The following MYBPC1 variants were observed in gnomAD, a reference collection of about 807,000 sequenced individuals.
MYBPC1 encodes myosin binding protein C1.
In MYBPC1, 52 loss-of-function variants were observed where a neutral mutation model predicts 147.1. The observed-to-expected ratio is 0.35, with a 90% CI of 0.28 to 0.45. The LOEUF (loss-of-function observed/expected upper bound fraction) is 0.45, where lower values mean the gene tolerates loss of function less well. Ranked by LOEUF, MYBPC1 falls within the 20% of genes least tolerant of loss-of-function variation. MYBPC1 has a pLI of 1.00. For missense variants in MYBPC1, 1,228 were observed against 1,440.3 expected (o/e 0.85, Z 2.39); for synonymous variants, 477 against 475.9 (o/e 1.00, Z -0.03).
intron 1 of MYBPC1, among the ~76,000 whole-genome samples, chr12:101,598,849 TGA>T (rs1184915464): frequency 6.6e-5 from 10 of 152,212 alleles, no homozygotes; most frequent in African/African-American, 2.4e-5. Flanking sequence ...TCTAAAGTGC[TGA>T]GACTACAGGT....
rs747779217 is a variant in MYBPC1 at position 101,652,753 on chromosome 12, T to C, written c.1602T>C (p.Asn534=). The C allele has an allele frequency of 1.9e-6, 3 of 1,613,838 alleles. No homozygotes were observed. The highest frequency in any genetic ancestry group is 2.2e-5 in the East Asian group (1 of 44,852). ...GDYVFAPDAY[N]VTLPAKVHVI... ...ATGTATTTGCACCTGATGCCTACAATGTTACTCTGCCTGCCAAAGTTCATG... is the reference window on the plus strand; with the variant it reads ...ATGTATTTGCACCTGATGCCTACAACGTTACTCTGCCTGCCAAAGTTCATG... The change falls in exon 17 of 32, where the codon AAT becomes AAC. Residue 534 remains asparagine (N), a synonymous_variant. Transcript: ENST00000361466.
At position 101,643,265 on chromosome 12, in the gene MYBPC1, T is replaced by C. The variant is rs188007569; in HGVS notation, c.832+680T>C. Among the ~76,000 whole-genome samples the C allele has an allele frequency of 6.6e-5, 10 of 152,328 alleles. No homozygotes were observed. In the East Asian group the frequency reaches 1.9e-3, roughly 29 times the overall value. On this transcript the variant is annotated intron_variant, in intron 11 of 31. Transcript: ENST00000361466. Reference sequence around the variant, plus strand: ...ACCACCCTTTAAAAAAAATCTGACCTTTATTTCTGAACTTCCTGGAAACTG... The same window carrying C: ...ACCACCCTTTAAAAAAAATCTGACCCTTATTTCTGAACTTCCTGGAAACTG...
At chr12:101,606,203 AACACACACACACAC>A (rs113061042) in intron 1 of MYBPC1, among the ~76,000 whole-genome samples, 1 of 145,784 alleles carries the variant, frequency 6.9e-6, no homozygotes. Context: ...TCAAAAAAGA[AACACACACACACAC>A]ACACACACAC....
At position 101,638,598 on chromosome 12, in the gene MYBPC1, C is replaced by T. The variant is rs144667826; in HGVS notation, c.665+1870C>T. Reference sequence around the variant, plus strand: ...AACATAGTTTATATTCATAAGGAGACAACACACAAACACATACACAATCAA... The same window carrying T: ...AACATAGTTTATATTCATAAGGAGATAACACACAAACACATACACAATCAA... On this transcript the variant is annotated intron_variant, in intron 10 of 31. Transcript: ENST00000361466. 2.0e-3 allele frequency among the ~76,000 whole-genome samples: 307 copies of T among 152,024 alleles called. 4 individuals are homozygous for T. Among genetic ancestry groups the T allele is most frequent in the African/African-American group, 7.1e-3 (296 of 41,460 alleles).
At chr12:101,695,625 C>T in the MYBPC1 span, among the ~76,000 whole-genome samples, 1 of 152,070 alleles carries the variant, frequency 6.6e-6, no homozygotes, top group Non-Finnish European at 1.5e-5. Context: ...CCTCTTACTC[C>T]TTCCTGCTGC....
At chr12:101,652,110 A>G (rs753908626) in intron 16 of MYBPC1, among the ~76,000 whole-genome samples, 7 of 152,228 alleles carry the variant, frequency 4.6e-5, no homozygotes, top group Non-Finnish European at 7.3e-5. Context: ...GCAAGAGTTT[A>G]ACTTTGAATT....
chr12:101,614,554 A>G (rs200745424), intron 2 of MYBPC1, 23 bp downstream of exon 2: 1 of 1,612,394 alleles, frequency 6.2e-7, no homozygotes, highest in South Asian at 1.1e-5. Flanking sequence ...ACTCACTCAC[A>G]CACGTTTGGG....
rs1889868644 is a variant in MYBPC1, at chr12:101,631,449, A to G, written c.290-122A>G. On this transcript the variant is annotated intron_variant, in intron 6 of 31. Transcript: ENST00000361466. ...AAAAATCAGGACGAATTCATTTCACAATTCCGAGGGCACCAATCACACCAT... is the reference window on the plus strand; with the variant it reads ...AAAAATCAGGACGAATTCATTTCACGATTCCGAGGGCACCAATCACACCAT... 4 of 1,152,770 alleles carry G rather than the reference A, an allele frequency of 3.5e-6. No individual in the cohort carries two copies. The Admixed American group carries it at 6.9e-5, about 20-fold the overall frequency. The allele number at this position is 1,152,770 out of a possible 1,614,324, so 71.4% of individuals were successfully genotyped here.
chr12:101,688,404 G>A (rs957350652), downstream of MYBPC1, among the ~76,000 whole-genome samples: 4 of 151,966 alleles, frequency 2.6e-5, no homozygotes, highest in Admixed American at 2.6e-4. Context: ...GGGCAACAAA[G>A]TGAGACCCTG....
downstream of MYBPC1, among the ~76,000 whole-genome samples, chr12:101,688,564 T>C (rs1340414556): frequency 6.6e-6 from 1 of 151,434 alleles, no homozygotes; most frequent in Non-Finnish European, 1.5e-5. Context: ...TAACCATTCA[T>C]TTTTAGAATA....
At chr12:101,617,174 A>T (rs759591466) in intron 2 of MYBPC1, 28 bp from the exon 3 acceptor site, 4 of 1,612,698 alleles carry the variant, frequency 2.5e-6, no homozygotes, top group African/African-American at 1.3e-5. Flanking sequence ...AAGGCACTTT[A>T]AAAAATATGC....
intron 23 of MYBPC1, 89 bp downstream of exon 23, chr12:101,667,988 A>G: frequency 6.9e-7 from 1 of 1,439,290 alleles, no homozygotes; most frequent in Non-Finnish European, 9.5e-7. Flanking sequence ...AAAACCTCCT[A>G]TTTTGTTGTT....
chr12:101,640,125 C>T (rs80072315), intron 10 of MYBPC1, among the ~76,000 whole-genome samples: 2,510 of 152,248 alleles, frequency 0.016, 78 homozygotes, highest in African/African-American at 0.058. Context: ...AGCAATCCTT[C>T]CACTTCAGCC....
At chr12:101,645,873 A>G (rs1365475375) in intron 12 of MYBPC1, among the ~76,000 whole-genome samples, 1 of 152,204 alleles carries the variant, frequency 6.6e-6, no homozygotes, top group Non-Finnish European at 1.5e-5. Flanking sequence ...ATGTAACTGT[A>G]TGATAGCACC....
chr12:101,596,150 A>C (rs1289418797), intron 1 of MYBPC1, among the ~76,000 whole-genome samples: 1 of 152,198 alleles, frequency 6.6e-6, no homozygotes, highest in Non-Finnish European at 1.5e-5. Context: ...AACCTTGAAA[A>C]AGATGTTGAA....
At chr12:101,627,329 G>A (rs1888830729) in intron 4 of MYBPC1, among the ~76,000 whole-genome samples, 1 of 152,036 alleles carries the variant, frequency 6.6e-6, no homozygotes, top group South Asian at 2.1e-4. Context: ...TGCAACCTGT[G>A]CCTCCCAGGT....
intron 1 of MYBPC1, among the ~76,000 whole-genome samples, chr12:101,606,466 A>T (rs868061227): frequency 2.5e-4 from 36 of 141,280 alleles, no homozygotes; most frequent in Middle Eastern, 3.7e-3. Flanking sequence ...TCAATTTAGT[A>T]TTTTTTTTTT....
chr12:101,599,758 G>A (rs1353858618), intron 1 of MYBPC1, among the ~76,000 whole-genome samples: 5 of 152,182 alleles, frequency 3.3e-5, no homozygotes, highest in Non-Finnish European at 7.3e-5. Flanking sequence ...GGTTCATCGA[G>A]GCCAAGCTGA....
Position 101,651,270 on chromosome 12 carries a change from C to G in MYBPC1, c.1403C>G (p.Thr468Ser). 1 of 1,614,052 alleles carries G rather than the reference C, an allele frequency of 6.2e-7. No individual in the cohort carries two copies. The highest frequency in any genetic ancestry group is 8.5e-7 in the Non-Finnish European group (1 of 1,179,970). ...ATTTTGACACCTCTGACTGATCAGA[C>G]TGTAAATCTTGGAAAAGAAATCTGC... ...LKILTPLTDQ[T>S]VNLGKEICLK... The change falls in exon 16 of 32, where the codon ACT becomes AGT. Residue 468 changes from threonine to serine, a missense_variant. Physicochemically the swap from Thr to Ser is moderately conservative, Grantham distance 58. This residue lies in a region of MYBPC1 where 1,077 missense variants were observed against 1,314.2 expected (regional missense o/e 0.82). Coordinates refer to ENST00000361466, the MANE Select transcript of MYBPC1 (RefSeq NM_002465.4).
Sources: allele counts gnomAD v4.1 joint callset (sites outside exome capture counted in the v4.1 genomes callset), GRCh38; gene constraint gnomAD v4.1.1; regional missense constraint gnomAD v4.1.1; transcripts MANE v1.5; gene names NCBI Gene and HGNC (gene_info 2026-07-23, HGNC 2026-07-21).